The following GRM7 variants were observed in gnomAD, a reference collection of about 807,000 sequenced individuals.
GRM7 encodes metabotropic glutamate receptor 7.
In GRM7, 35 loss-of-function variants were observed where a neutral mutation model predicts 84.5. That is an observed-to-expected ratio of 0.41 (90% CI 0.32 to 0.55). The LOEUF is 0.55. Among genes scored for constraint, GRM7 ranks in the 20% least tolerant of loss-of-function variants. GRM7 has a pLI of 0.19. For missense variants in GRM7, 1,003 were observed against 1,194.6 expected, an observed-to-expected ratio of 0.84 and a Z score of 2.36; for synonymous variants, 487 against 455.1, an observed-to-expected ratio of 1.07 and a Z score of -0.89.
chr3:7,128,456 A>G (rs1027977284), intron 1 of GRM7, among the ~76,000 whole-genome samples: 1 of 150,118 alleles, frequency 6.7e-6, no homozygotes, highest in South Asian at 2.1e-4. Flanking sequence ...TTACAGCTCT[A>G]GGTACTTTTC....
rs186298158 is a variant in GRM7, at chr3:7,235,017, C to A, written c.737-63667C>A. On this transcript the variant is annotated intron_variant, in intron 2 of 9. Coordinates refer to ENST00000357716, the MANE Select transcript of GRM7 (RefSeq NM_000844.4). The stretch of plus-strand genomic sequence containing the variant: ...TTTATAATATTTATGTTTGTCATCC[C>A]TCTGTAGATCCCTTTTGATACCTAA... 5.3e-5 allele frequency among the ~76,000 whole-genome samples: 8 copies of A among 152,242 alleles called. No individual in the cohort carries two copies. In the East Asian group the frequency reaches 1.5e-3, roughly 29 times the overall value.
At chr3:7,334,479 C>CA (rs60549409) in intron 4 of GRM7, among the ~76,000 whole-genome samples, 7 of 151,344 alleles carry the variant, frequency 4.6e-5, no homozygotes, top group Non-Finnish European at 7.4e-5. Context: ...CAGGGACCCA[C>CA]AAAAAAAATA....
chr3:7,367,634 C>G (rs1229052393), intron 4 of GRM7, among the ~76,000 whole-genome samples: 1 of 151,222 alleles, frequency 6.6e-6, no homozygotes, highest in African/African-American at 2.4e-5. Flanking sequence ...AATATCTGAC[C>G]CTCCAAAAAA....
intron 4 of GRM7, among the ~76,000 whole-genome samples, chr3:7,323,818 G>T (rs545208242): frequency 6.6e-6 from 1 of 152,074 alleles, no homozygotes; most frequent in Admixed American, 6.6e-5. Flanking sequence ...CTTATAATAT[G>T]CCAGGTATTA....
At chr3:6,897,754 A>C (rs546533240) in intron 1 of GRM7, among the ~76,000 whole-genome samples, 1 of 152,250 alleles carries the variant, frequency 6.6e-6, no homozygotes, top group East Asian at 1.9e-4. Flanking sequence ...ACAAGGTTTC[A>C]GCAGGAAATC....
chr3:7,557,321 A>T (rs144879255), intron 7 of GRM7, among the ~76,000 whole-genome samples: 1 of 152,328 alleles, frequency 6.6e-6, no homozygotes, highest in African/African-American at 2.4e-5. Flanking sequence ...ATGTTAAAAT[A>T]GACTCTAAAA....
chr3:7,318,496 G>A (rs1479018270), intron 4 of GRM7, among the ~76,000 whole-genome samples: 2 of 152,070 alleles, frequency 1.3e-5, no homozygotes, highest in African/African-American at 4.8e-5. Context: ...AGAGGGAATT[G>A]AAAGGGCCAT....
chr3:7,573,592 T>C (rs1233208709), intron 7 of GRM7, among the ~76,000 whole-genome samples: 2 of 152,236 alleles, frequency 1.3e-5, no homozygotes, highest in African/African-American at 4.8e-5. Flanking sequence ...CCAGTGATTA[T>C]AAGGTCTGCA....
At chr3:6,975,665 T>C (rs1188471147) in intron 1 of GRM7, among the ~76,000 whole-genome samples, 1 of 152,238 alleles carries the variant, frequency 6.6e-6, no homozygotes, top group African/African-American at 2.4e-5. Context: ...TGATGTTTTC[T>C]ATTCTAGGCT....
chr3:7,075,808 G>GAGCC (rs1206617397), intron 1 of GRM7, among the ~76,000 whole-genome samples: 1 of 152,110 alleles, frequency 6.6e-6, no homozygotes, highest in Non-Finnish European at 1.5e-5. Context: ...TTACAGGCCT[G>GAGCC]AGCCACTGTG....
chr3:7,370,147 T>C (rs553444425), intron 4 of GRM7, among the ~76,000 whole-genome samples: 2 of 152,192 alleles, frequency 1.3e-5, no homozygotes, highest in Non-Finnish European at 2.9e-5. Flanking sequence ...TTTCTCAGAA[T>C]ACTAAAAGGT....
rs1176146756 is a variant in GRM7, at chr3:7,567,747, C to CA, written c.1516-10637dup. Among the ~76,000 whole-genome samples, 404 of 45,812 alleles carry CA rather than the reference C, an allele frequency of 8.8e-3. 115 individuals carry two copies. Among genetic ancestry groups the CA allele is most frequent in the Non-Finnish European group, 0.013 (324 of 25,168 alleles). 30.1% of individuals were successfully genotyped at this position (45,812 alleles called of 152,430 possible). Reference sequence around the variant, plus strand: ...TGGGTGACAGAGTGAGACTCCATCTCAAAAAAAAAAAAAAAAAAAAAAAAA... The same window carrying CA: ...TGGGTGACAGAGTGAGACTCCATCTCAAAAAAAAAAAAAAAAAAAAAAAAAA... On this transcript the variant is annotated intron_variant, in intron 7 of 9. Coordinates refer to ENST00000357716, the MANE Select transcript of GRM7 (RefSeq NM_000844.4).
chr3:6,935,719 A>G (rs1697668089), intron 1 of GRM7, among the ~76,000 whole-genome samples: 1 of 133,970 alleles, frequency 7.5e-6, no homozygotes, highest in African/African-American at 3.0e-5. Context: ...TTATTGAGAC[A>G]GAGTCTCGCT....
chr3:7,679,911 GCTTTC>G (rs1405500347), intron 8 of GRM7, 133 bp from the exon 9 acceptor site: 7 of 715,756 alleles, frequency 9.8e-6, no homozygotes, highest in Non-Finnish European at 1.6e-5. Context: ...GAGTTATTGT[GCTTTC>G]CTTTATTTAT....
At chr3:6,998,650 C>T (rs1171325099) in intron 1 of GRM7, among the ~76,000 whole-genome samples, 1 of 152,212 alleles carries the variant, frequency 6.6e-6, no homozygotes, top group East Asian at 1.9e-4. Context: ...TCCATACATC[C>T]TATGAAATCT....
chr3:6,998,917 G>T (rs928912554), intron 1 of GRM7, among the ~76,000 whole-genome samples: 3 of 152,188 alleles, frequency 2.0e-5, no homozygotes, highest in African/African-American at 7.2e-5. Context: ...TGGAGAAGCT[G>T]CCAAGAATGT....
chr3:7,183,375 C>T (rs1477474718), intron 2 of GRM7, among the ~76,000 whole-genome samples: 1 of 152,100 alleles, frequency 6.6e-6, no homozygotes, highest in Non-Finnish European at 1.5e-5. Flanking sequence ...GCCTGTAATC[C>T]CGGCACTTTG....
At chr3:7,147,571 A>G (rs1211682853) in intron 2 of GRM7, among the ~76,000 whole-genome samples, 1 of 152,184 alleles carries the variant, frequency 6.6e-6, no homozygotes, top group Admixed American at 6.5e-5. Context: ...TGTTATGAGG[A>G]AAGATGTCAT....
At chr3:7,354,795 A>G (rs1013024427) in intron 4 of GRM7, among the ~76,000 whole-genome samples, 1 of 152,188 alleles carries the variant, frequency 6.6e-6, no homozygotes, top group African/African-American at 2.4e-5. Context: ...GGTACCTGGT[A>G]TGTAACTATT....
Sources: gnomAD v4.1 joint callset for allele counts (sites outside exome capture counted in the v4.1 genomes callset) on GRCh38, gnomAD v4.1.1 for gene constraint, MANE v1.5 for transcripts, NCBI Gene and HGNC (gene_info 2026-07-23, HGNC 2026-07-21) for gene names.